NKAIN3: variants seen among roughly 807,000 people sequenced by gnomAD.
The protein encoded by NKAIN3 is sodium/potassium transporting ATPase interacting 3.
In NKAIN3, 25 loss-of-function variants were observed where a neutral mutation model predicts 30.2. That is an observed-to-expected ratio of 0.83 (90% confidence interval 0.60 to 1.16). The LOEUF (loss-of-function observed/expected upper bound fraction) is 1.16. Among genes scored for constraint, NKAIN3 ranks in the 50% most tolerant of loss-of-function variants. The pLI is 0.00. For synonymous variants in NKAIN3, 91 were observed against 89.6 expected (o/e 1.02, Z -0.09); for missense variants, 225 against 254.1 (o/e 0.89, Z 0.78).
At chr8:62,734,281 TCAAACAAA>T (rs888370751) in intron 3 of NKAIN3, among the ~76,000 whole-genome samples, 1 of 152,188 alleles carries the variant, frequency 6.6e-6, no homozygotes, top group African/African-American at 2.4e-5. Context: ...AGTTCCTGTC[TCAAACAAA>T]CAAACAAACA....
intron 2 of NKAIN3, among the ~76,000 whole-genome samples, chr8:62,586,000 G>T (rs991520601): frequency 3.3e-5 from 5 of 152,120 alleles, no homozygotes; most frequent in East Asian, 1.9e-4. Flanking sequence ...ACATGCAGAT[G>T]AATTAGCAAA....
chr8:62,514,474 A>G (rs571191368), intron 1 of NKAIN3, among the ~76,000 whole-genome samples: 1 of 152,312 alleles, frequency 6.6e-6, no homozygotes, highest in South Asian at 2.1e-4. Context: ...TAATTGTAAA[A>G]TATTGTTATA....
At chr8:62,816,671 C>A (rs1818693674) in intron 4 of NKAIN3, among the ~76,000 whole-genome samples, 1 of 152,078 alleles carries the variant, frequency 6.6e-6, no homozygotes, top group South Asian at 2.1e-4. Context: ...CAGCGCTGTA[C>A]AATTGAGTTC....
chr8:62,750,761 G>C (rs530993137), intron 4 of NKAIN3, among the ~76,000 whole-genome samples: 1 of 152,120 alleles, frequency 6.6e-6, no homozygotes, highest in African/African-American at 2.4e-5. Context: ...TCCATAGAAA[G>C]GTTGTGGATG....
intron 6 of NKAIN3, among the ~76,000 whole-genome samples, chr8:62,962,205 A>G (rs1014703192): frequency 3.9e-5 from 6 of 152,222 alleles, no homozygotes; most frequent in African/African-American, 1.4e-4. Flanking sequence ...GAAAAAAGAC[A>G]CTTAAGTAAA....
At chr8:62,808,757 T>C (rs1818387698) in intron 4 of NKAIN3, among the ~76,000 whole-genome samples, 1 of 152,000 alleles carries the variant, frequency 6.6e-6, no homozygotes, top group Admixed American at 6.6e-5. Context: ...CAGACCGAGA[T>C]CACAAGACCA....
chr8:62,503,206 A>G (rs1807517097), intron 1 of NKAIN3, among the ~76,000 whole-genome samples: 2 of 152,212 alleles, frequency 1.3e-5, no homozygotes, highest in African/African-American at 4.8e-5. Context: ...GAGGAATTTT[A>G]TAATTGGGCC....
intron 4 of NKAIN3, among the ~76,000 whole-genome samples, chr8:62,792,304 A>G (rs1817722395): frequency 1.3e-5 from 2 of 152,176 alleles, no homozygotes; most frequent in African/African-American, 4.8e-5. Flanking sequence ...TTATTAACTT[A>G]TCAACTTAAA....
chr8:62,819,363 A>G (rs1365082241), intron 4 of NKAIN3, among the ~76,000 whole-genome samples: 1 of 151,956 alleles, frequency 6.6e-6, no homozygotes, highest in African/African-American at 2.4e-5. Context: ...AACTTGGTGT[A>G]TGGGTGAATG....
chr8:62,294,685 G>A (rs1172896934), intron 1 of NKAIN3, among the ~76,000 whole-genome samples: 2 of 150,324 alleles, frequency 1.3e-5, no homozygotes, highest in Non-Finnish European at 2.9e-5. Flanking sequence ...CCACAAGCAC[G>A]TGTCACCATG....
intron 5 of NKAIN3, among the ~76,000 whole-genome samples, chr8:62,938,696 G>A (rs1367567163): frequency 6.6e-6 from 1 of 152,178 alleles, no homozygotes; most frequent in African/African-American, 2.4e-5. Flanking sequence ...CCTACGGGAA[G>A]AGGGGAGAGC....
intron 4 of NKAIN3, among the ~76,000 whole-genome samples, chr8:62,871,402 CAAA>C (rs35286231): frequency 0.018 from 619 of 34,220 alleles, 12 homozygotes; most frequent in Non-Finnish European, 0.025. Flanking sequence ...GACTCTGTCT[CAAA>C]AAAAAAAAAA....
At chr8:62,885,689 T>C (rs1821126182) in intron 4 of NKAIN3, among the ~76,000 whole-genome samples, 1 of 152,224 alleles carries the variant, frequency 6.6e-6, no homozygotes, top group Non-Finnish European at 1.5e-5. Context: ...CATTAAGGAT[T>C]ATTATGTTTT....
chr8:62,484,535 G>A (rs1258387363), intron 1 of NKAIN3, among the ~76,000 whole-genome samples: 14 of 152,142 alleles, frequency 9.2e-5, no homozygotes, highest in Admixed American at 8.5e-4. Context: ...TTGGTTTTGA[G>A]CATCTGCTCA....
intron 4 of NKAIN3, among the ~76,000 whole-genome samples, chr8:62,822,006 A>G (rs1586236236): frequency 6.6e-6 from 1 of 152,252 alleles, no homozygotes; most frequent in South Asian, 2.1e-4. Flanking sequence ...GGGCAAAGCC[A>G]CAGATTAGGG....
At chr8:62,436,587 T>C (rs896873256) in intron 1 of NKAIN3, among the ~76,000 whole-genome samples, 9 of 152,166 alleles carry the variant, frequency 5.9e-5, no homozygotes, top group African/African-American at 1.4e-4. Context: ...TTATTAGTTA[T>C]TAAGTACATA....
intron 1 of NKAIN3, among the ~76,000 whole-genome samples, chr8:62,449,936 A>G (rs1191472589): frequency 6.6e-6 from 1 of 152,162 alleles, no homozygotes; most frequent in Non-Finnish European, 1.5e-5. Flanking sequence ...TGTATGCATA[A>G]TGTCTAAAAT....
intron 1 of NKAIN3, among the ~76,000 whole-genome samples, chr8:62,273,961 T>C (rs565169377): frequency 1.3e-5 from 2 of 152,300 alleles, no homozygotes; most frequent in African/African-American, 4.8e-5. Flanking sequence ...CCAGGCCTCC[T>C]GTAAACATTC....
intron 1 of NKAIN3, among the ~76,000 whole-genome samples, chr8:62,569,415 T>C (rs1809856331): frequency 6.6e-6 from 1 of 152,084 alleles, no homozygotes; most frequent in Non-Finnish European, 1.5e-5. Flanking sequence ...GTTGAATAGA[T>C]AGGAGAGTTT....
Sources: allele counts gnomAD v4.1 joint callset (sites outside exome capture counted in the v4.1 genomes callset), GRCh38; gene constraint gnomAD v4.1.1; transcripts MANE v1.5; gene names NCBI Gene and HGNC (gene_info 2026-07-23, HGNC 2026-07-21).